The following DNMBP variants were observed in gnomAD, a reference collection of about 807,000 sequenced individuals.
DNMBP encodes dynamin binding protein, also known as dynamin-binding protein.
A neutral mutation model predicts 150.0 loss-of-function variants in DNMBP; 87 were observed. That is an observed-to-expected ratio of 0.58 (90% CI 0.49 to 0.69). The LOEUF is 0.69. Among genes scored for constraint, DNMBP ranks in the 30% least tolerant of loss-of-function variants. The pLI, the probability that DNMBP is intolerant of heterozygous loss-of-function variation, is 0.00. For synonymous variants in DNMBP, 711 were observed against 750.4 expected, an observed-to-expected ratio of 0.95 and a Z score of 0.86; for missense variants, 1,774 against 1,949.0, an observed-to-expected ratio of 0.91 and a Z score of 1.69.
intron 3 of DNMBP, among the ~76,000 whole-genome samples, chr10:99,962,134 A>AT (rs1311317350): frequency 1.2e-4 from 19 of 152,172 alleles, no homozygotes; most frequent in Non-Finnish European, 2.8e-4. Context: ...ATTATTGTCT[A>AT]TATCATGAAT....
intron 4 of DNMBP, chr10:99,913,945 G>T: frequency 7.3e-7 from 1 of 1,375,396 alleles, no homozygotes; most frequent in Non-Finnish European, 9.5e-7. Flanking sequence ...CCACACCCCA[G>T]GACCTACCTG....
intron 3 of DNMBP, among the ~76,000 whole-genome samples, chr10:99,961,162 C>T (rs2040559316): frequency 6.6e-6 from 1 of 151,180 alleles, no homozygotes; most frequent in Non-Finnish European, 1.5e-5. Context: ...TTCTTCAACT[C>T]CAACTCCCAA....
chr10:99,964,027 G>A (rs1267262085), intron 3 of DNMBP, among the ~76,000 whole-genome samples: 1 of 151,828 alleles, frequency 6.6e-6, no homozygotes, highest in Non-Finnish European at 1.5e-5. Context: ...GGCAAGGGAT[G>A]AGGATTCTGT....
intron 1 of DNMBP, among the ~76,000 whole-genome samples, chr10:100,009,371 C>T (rs1445233506): frequency 6.6e-6 from 1 of 152,266 alleles, no homozygotes; most frequent in African/African-American, 2.4e-5. Flanking sequence ...AGGTCTAACC[C>T]TTGCTTCGGA....
chr10:99,969,065 G>A, intron 3 of DNMBP, 50 bp downstream of exon 3: 2 of 1,604,974 alleles, frequency 1.2e-6, no homozygotes, highest in Non-Finnish European at 1.7e-6. Flanking sequence ...GAAACGGGCA[G>A]ACTCCAAAAA....
intron 4 of DNMBP, among the ~76,000 whole-genome samples, chr10:99,951,190 C>T (rs2040418663): frequency 6.6e-6 from 1 of 152,220 alleles, no homozygotes; most frequent in South Asian, 2.1e-4. Context: ...CCTGCGGGTG[C>T]ACAGAAGAAC....
chr10:99,899,167 C>A (rs540167557), intron 7 of DNMBP, among the ~76,000 whole-genome samples: 2 of 150,938 alleles, frequency 1.3e-5, no homozygotes, highest in African/African-American at 4.9e-5. Flanking sequence ...CCAGCCTGGA[C>A]GACAGAGTGA....
At chr10:99,968,361 G>A (rs889651223) in intron 3 of DNMBP, among the ~76,000 whole-genome samples, 7 of 152,000 alleles carry the variant, frequency 4.6e-5, no homozygotes, top group Admixed American at 6.6e-5. Context: ...CCCACGCCCC[G>A]TATCAGTTTT....
chr10:99,982,629 C>T (rs1383056396), intron 1 of DNMBP, among the ~76,000 whole-genome samples: 1 of 151,876 alleles, frequency 6.6e-6, no homozygotes, highest in Non-Finnish European at 1.5e-5. Flanking sequence ...TCCCTGTACT[C>T]CCCTAAATTA....
chr10:99,990,037 G>A (rs1003723227), intron 1 of DNMBP, among the ~76,000 whole-genome samples: 1 of 152,142 alleles, frequency 6.6e-6, no homozygotes, highest in African/African-American at 2.4e-5. Flanking sequence ...TACACAGTAA[G>A]CCCTCCGTAA....
At chr10:100,000,784 T>G (rs148918672) in intron 1 of DNMBP, among the ~76,000 whole-genome samples, 8 of 146,430 alleles carry the variant, frequency 5.5e-5, no homozygotes, top group African/African-American at 1.7e-4. Flanking sequence ...CAAAGATTCC[T>G]GCCCTTGAAG....
chr10:99,961,404 A>G, intron 3 of DNMBP, among the ~76,000 whole-genome samples: 1 of 141,128 alleles, frequency 7.1e-6, no homozygotes, highest in African/African-American at 2.7e-5. Flanking sequence ...CCTCCTAAGT[A>G]GCTGAGACTA....
At chr10:99,939,654 C>T (rs2040272019) in intron 4 of DNMBP, among the ~76,000 whole-genome samples, 1 of 152,244 alleles carries the variant, frequency 6.6e-6, no homozygotes. Context: ...AATGAAAGGT[C>T]ACCAAGTCAG....
At position 99,915,108 on chromosome 10, in the gene DNMBP, A is replaced by AAATAT. The variant is rs10654940; in HGVS notation, c.2261-5963_2261-5962insATATT. Among the ~76,000 whole-genome samples the AAATAT allele has an allele frequency of 3.0e-3, 304 of 99,782 alleles. 3 individuals are homozygous for AAATAT. The highest frequency in any genetic ancestry group is 0.011 in the African/African-American group (254 of 22,654). The allele number at this position is 99,782 out of a possible 152,430, so 65.5% of individuals were successfully genotyped here. A position where few individuals can be genotyped will look rare whatever the true frequency, so the allele number is the denominator to read the frequency against. Reference sequence around the variant, plus strand: ...AAACTCTGTCTCAAAAAAAAAAAAAAATATATATATATATATATATACACA... The same window carrying AAATAT: ...AAACTCTGTCTCAAAAAAAAAAAAAAAATATATATATATATATATATATATACACA... On this transcript the variant is annotated intron_variant, in intron 4 of 16. Transcript: ENST00000324109.
Position 99,877,100 on chromosome 10 carries a change from TCGG to T in DNMBP, c.*48_*50del. 3.6e-6 allele frequency: 5 copies of T among 1,370,622 alleles called. No homozygotes were observed. The highest frequency in any genetic ancestry group is 1.7e-5 in the South Asian group (1 of 58,872). The allele number at this position is 1,370,622 out of a possible 1,614,324, so 84.9% of individuals were successfully genotyped here. A position where few individuals can be genotyped will look rare whatever the true frequency, so the allele number is the denominator to read the frequency against. ...CCCTCTCGGTGGGCCGCCAGAACCC[TCGG>T]CGGACTGAAAGCAAAGGCAGCAAGG... is the stretch of plus-strand genomic sequence containing the variant. On this transcript the variant is annotated 3_prime_UTR_variant, in exon 17 of 17. Transcript: ENST00000324109.
intron 15 of DNMBP, among the ~76,000 whole-genome samples, chr10:99,881,250 GA>G (rs2039363470): frequency 6.6e-6 from 1 of 151,980 alleles, no homozygotes; most frequent in Non-Finnish European, 1.5e-5. Context: ...CTCAGCTCAA[GA>G]AGCCCCTCCA....
At chr10:99,893,725 A>T (rs2039610921) in intron 11 of DNMBP, among the ~76,000 whole-genome samples, 1 of 152,168 alleles carries the variant, frequency 6.6e-6, no homozygotes, top group Admixed American at 6.5e-5. Context: ...CTCTGTCTCA[A>T]AGGAAAAAAG....
At chr10:99,915,140 CATAT>C (rs537936826) in intron 4 of DNMBP, among the ~76,000 whole-genome samples, 11 of 137,228 alleles carry the variant, frequency 8.0e-5, no homozygotes, top group African/African-American at 3.1e-4. Flanking sequence ...CACACACACA[CATAT>C]ATATACATAT....
chr10:99,882,684 GT>G (rs2039387342), intron 15 of DNMBP, among the ~76,000 whole-genome samples: 1 of 152,172 alleles, frequency 6.6e-6, no homozygotes, highest in Non-Finnish European at 1.5e-5. Context: ...AAGTTCTGAT[GT>G]TTTTGTGTCA....
Sources: allele counts gnomAD v4.1 joint callset (sites outside exome capture counted in the v4.1 genomes callset), GRCh38; gene constraint gnomAD v4.1.1; transcripts MANE v1.5; gene names NCBI Gene and HGNC (gene_info 2026-07-23, HGNC 2026-07-21).